Variants in PEX5L observed in about 807,000 individuals in gnomAD.
The protein encoded by PEX5L is peroxisomal biogenesis factor 5 like, also known as PEX5-related protein.
PEX5L carries 30 observed loss-of-function variants against 84.0 expected under a neutral mutation model. That is an observed-to-expected ratio of 0.36 (90% CI 0.27 to 0.48). The LOEUF is 0.48. Among genes scored for constraint, PEX5L ranks in the 20% least tolerant of loss-of-function variants. The pLI, the probability that PEX5L is intolerant of heterozygous loss-of-function variation, is 0.99. For synonymous variants in PEX5L, 270 were observed against 283.1 expected (o/e 0.95, Z 0.46); for missense variants, 533 against 754.6 (o/e 0.71, Z 3.44).
rs141733067 is a variant in PEX5L at position 180,030,013 on chromosome 3, C to T, written c.21+6566G>A. Among the ~76,000 whole-genome samples the T allele has an allele frequency of 1.6e-3, 245 of 152,248 alleles. 1 individual carries two copies. Among genetic ancestry groups the T allele is most frequent in the African/African-American group, 5.6e-3 (234 of 41,552 alleles). ...TCTTTCTCACTTTCTTAAGGAGCTT[C>T]CATATTTTCTGACCTTTCACTGTTT... On this transcript the variant is annotated intron_variant, in intron 1 of 14. Transcript: ENST00000467460.
At chr3:179,875,056 A>G (rs1751875826) in intron 6 of PEX5L, among the ~76,000 whole-genome samples, 1 of 152,048 alleles carries the variant, frequency 6.6e-6, no homozygotes, top group African/African-American at 2.4e-5. Context: ...GAATATTATC[A>G]TGTATATACA....
At chr3:179,901,831 C>T (rs546526266) in intron 2 of PEX5L, 1 of 152,302 alleles carries the variant, frequency 6.6e-6, no homozygotes, top group East Asian at 1.9e-4. Context: ...TAAGAGCAGG[C>T]ACAAATGGAT....
At chr3:179,942,542 T>C (rs986931965) in intron 2 of PEX5L, among the ~76,000 whole-genome samples, 10 of 152,218 alleles carry the variant, frequency 6.6e-5, no homozygotes, top group Admixed American at 5.2e-4. Flanking sequence ...ATCTCCTTTA[T>C]CTTGAATTCT....
At chr3:179,999,564 T>G (rs777487914) in intron 1 of PEX5L, among the ~76,000 whole-genome samples, 2 of 152,178 alleles carry the variant, frequency 1.3e-5, no homozygotes, top group Non-Finnish European at 2.9e-5. Context: ...AGCTACCTGG[T>G]GGCAGATTGA....
chr3:180,033,140 T>C (rs1265280818), intron 1 of PEX5L, among the ~76,000 whole-genome samples: 1 of 152,216 alleles, frequency 6.6e-6, no homozygotes. Flanking sequence ...AAGAAAAATC[T>C]TAAGTAAAGT....
At chr3:179,897,453 AG>A (rs2108976058) in intron 3 of PEX5L, among the ~76,000 whole-genome samples, 1 of 152,292 alleles carries the variant, frequency 6.6e-6, no homozygotes, top group South Asian at 2.1e-4. Context: ...TAGGATTCAC[AG>A]TCTCCACATG....
At chr3:179,923,173 C>A (rs564161218) in intron 2 of PEX5L, among the ~76,000 whole-genome samples, 54 of 151,710 alleles carry the variant, frequency 3.6e-4, no homozygotes, top group African/African-American at 1.3e-3. Context: ...CACCTGTAGT[C>A]CCAGTTACTC....
At chr3:180,012,580 C>T (rs1001936070) in intron 1 of PEX5L, among the ~76,000 whole-genome samples, 1 of 151,744 alleles carries the variant, frequency 6.6e-6, no homozygotes, top group South Asian at 2.1e-4. Flanking sequence ...AAATATTGAC[C>T]CTGGTCTAGG....
chr3:179,859,266 A>G (rs1367800684), intron 7 of PEX5L, 109 bp from the exon 8 acceptor site: 3 of 777,714 alleles, frequency 3.9e-6, no homozygotes, highest in Admixed American at 2.3e-5. Flanking sequence ...TTCAAGAATC[A>G]TCTGTGACTG....
chr3:179,910,034 G>A (rs535393778), intron 2 of PEX5L, among the ~76,000 whole-genome samples: 4 of 152,268 alleles, frequency 2.6e-5, no homozygotes, highest in South Asian at 2.1e-4. Flanking sequence ...ACTACGAAGC[G>A]GTCTTACTCT....
intron 8 of PEX5L, among the ~76,000 whole-genome samples, chr3:179,841,579 A>T (rs1737321864): frequency 6.6e-6 from 1 of 152,248 alleles, no homozygotes; most frequent in South Asian, 2.1e-4. Flanking sequence ...TCTCATGCCT[A>T]ACATAGGGTC....
chr3:179,895,072 A>C (rs1265386940), intron 3 of PEX5L, among the ~76,000 whole-genome samples: 1 of 152,178 alleles, frequency 6.6e-6, no homozygotes, highest in African/African-American at 2.4e-5. Flanking sequence ...GTTCAACAGA[A>C]TTATGATGAG....
Position 180,024,394 on chromosome 3 carries a change from A to T in PEX5L, c.21+12185T>A, listed in dbSNP as rs2110520596. ...TATATACACACACAAAAAAAAAAAA[A>T]ATTAGCCGTGCGTGGTGGCAGGCGC... On this transcript the variant is annotated intron_variant, in intron 1 of 14. Transcript: ENST00000467460. 1.4e-5 allele frequency among the ~76,000 whole-genome samples: 2 copies of T among 139,148 alleles called. 1 individual carries two copies. Among genetic ancestry groups the T allele is most frequent in the East Asian group, 4.0e-4 (2 of 4,970 alleles). 91.3% of individuals were successfully genotyped at this position (139,148 alleles called of 152,430 possible). A position where few individuals can be genotyped will look rare whatever the true frequency, so the allele number is the denominator to read the frequency against.
At position 179,797,596 on chromosome 3, in the gene PEX5L, AAAAAAAAAAATAT is replaced by A. The variant is rs1273758737; in HGVS notation, c.*4219_*4231del. Reference sequence around the variant, plus strand: ...TTATCTATGAACACTCTTTAAAAAAAAAAAAAAAAATATATATATATATATATATATATATCTA... The same window carrying A: ...TTATCTATGAACACTCTTTAAAAAAAATATATATATATATATATATATCTA... On this transcript the variant is annotated 3_prime_UTR_variant, in exon 15 of 15. Coordinates refer to ENST00000467460, the MANE Select transcript of PEX5L (RefSeq NM_016559.3). The A allele has an allele frequency of 4.3e-5, 4 of 93,964 alleles. No individual in the cohort carries two copies. Among genetic ancestry groups the A allele is most frequent in the African/African-American group, 1.7e-4 (4 of 23,136 alleles). The allele number at this position is 93,964 out of a possible 1,614,324, so 5.8% of individuals were successfully genotyped here. A position where few individuals can be genotyped will look rare whatever the true frequency, so the allele number is the denominator to read the frequency against.
At chr3:179,927,314 G>A (rs542241618) in intron 2 of PEX5L, among the ~76,000 whole-genome samples, 1 of 152,278 alleles carries the variant, frequency 6.6e-6, no homozygotes, top group East Asian at 1.9e-4. Flanking sequence ...GCTGTGGCTT[G>A]AGATCTGAAA....
intron 1 of PEX5L, among the ~76,000 whole-genome samples, chr3:180,019,283 G>A (rs991828693): frequency 6.6e-6 from 1 of 152,092 alleles, no homozygotes; most frequent in Non-Finnish European, 1.5e-5. Context: ...TCATATAATC[G>A]TGCTTACTTA....
At chr3:179,869,177 G>A (rs1350834641) in intron 7 of PEX5L, among the ~76,000 whole-genome samples, 1 of 152,108 alleles carries the variant, frequency 6.6e-6, no homozygotes, top group Non-Finnish European at 1.5e-5. Context: ...AAATCTAACC[G>A]AGGTCTGCAA....
chr3:179,864,600 AAGAG>A (rs1747449144), intron 7 of PEX5L, among the ~76,000 whole-genome samples: 1 of 152,102 alleles, frequency 6.6e-6, no homozygotes, highest in Non-Finnish European at 1.5e-5. Flanking sequence ...GAAAAAGTTC[AAGAG>A]ATCTATGGCA....
At chr3:179,820,990 A>G (rs77279158) in intron 8 of PEX5L, among the ~76,000 whole-genome samples, 1,912 of 152,320 alleles carry the variant, frequency 0.013, 33 homozygotes, top group African/African-American at 0.036. Flanking sequence ...GTGGATATAT[A>G]AAGAAGGCTC....
Sources: allele counts gnomAD v4.1 joint callset (sites outside exome capture counted in the v4.1 genomes callset), GRCh38; gene constraint gnomAD v4.1.1; transcripts MANE v1.5; gene names NCBI Gene and HGNC (gene_info 2026-07-23, HGNC 2026-07-21).